KIF21A: variants seen among roughly 807,000 people sequenced by gnomAD.
The protein encoded by KIF21A is kinesin family member 21A.
KIF21A carries 114 observed loss-of-function variants against 202.9 expected under a neutral mutation model. The observed-to-expected ratio is 0.56, with a 90% CI of 0.48 to 0.66. The LOEUF is 0.66. Among genes scored for constraint, KIF21A ranks in the 30% least tolerant of loss-of-function variants. The probability of loss-of-function intolerance (pLI) is 0.00; values close to 1 mark genes in which losing one functional copy is unlikely to be tolerated. For synonymous variants in KIF21A, 667 were observed against 670.8 expected (o/e 0.99, Z 0.09); for missense variants, 1,677 against 1,994.9 (o/e 0.84, Z 3.04).
In KIF21A at chr12:39,323,116, T is replaced by C. The variant is rs527827002; in HGVS notation, c.3457-234A>G. On this transcript the variant is annotated intron_variant, in intron 26 of 37. Coordinates refer to ENST00000361418, the MANE Select transcript of KIF21A (RefSeq NM_001173464.2). Reference sequence around the variant, plus strand: ...ATTGTACTTATATGCCAGGCACTGTTCCAAACACATTATTATATTAGCACG... The same window carrying C: ...ATTGTACTTATATGCCAGGCACTGTCCCAAACACATTATTATATTAGCACG... Among the ~76,000 whole-genome samples, 10 of 149,316 alleles carry C rather than the reference T, an allele frequency of 6.7e-5. No homozygotes were observed. The South Asian group carries it at 1.1e-3, about 17-fold the overall frequency.
intron 1 of KIF21A, among the ~76,000 whole-genome samples, chr12:39,416,720 T>C (rs562834035): frequency 1.0e-5 from 1 of 99,370 alleles, no homozygotes; most frequent in African/African-American, 4.1e-5. Flanking sequence ...TGTGTGTATA[T>C]ATGTACATAT....
intron 35 of KIF21A, 90 bp from the exon 36 acceptor site, chr12:39,303,225 G>GTGT: frequency 1.9e-6 from 2 of 1,059,632 alleles, no homozygotes; most frequent in Non-Finnish European, 2.9e-6. Flanking sequence ...ACACATGTAT[G>GTGT]TTAATCAGAC....
chr12:39,309,381 A>G (rs1943786954), intron 33 of KIF21A, among the ~76,000 whole-genome samples: 1 of 152,128 alleles, frequency 6.6e-6, no homozygotes, highest in Non-Finnish European at 1.5e-5. Context: ...TTTCTGTTTA[A>G]TACCAGGCTC....
chr12:39,367,262 G>C (rs1949664798), intron 4 of KIF21A, 98 bp from the exon 5 acceptor site: 2 of 1,253,372 alleles, frequency 1.6e-6, no homozygotes, highest in African/African-American at 3.0e-5. Flanking sequence ...CCATGTTAAG[G>C]GATATAAAAG....
chr12:39,422,926 T>C (rs954719365), intron 1 of KIF21A, among the ~76,000 whole-genome samples: 21 of 152,212 alleles, frequency 1.4e-4, no homozygotes, highest in African/African-American at 4.8e-4. Flanking sequence ...GAATCAAATC[T>C]AGCACTGCCA....
At chr12:39,295,690 A>G (rs1012070268) in intron 37 of KIF21A, among the ~76,000 whole-genome samples, 1 of 108,962 alleles carries the variant, frequency 9.2e-6, no homozygotes, top group African/African-American at 3.3e-5. Context: ...TGCTTGGGAT[A>G]TGTTTTTTTT....
intron 27 of KIF21A, chr12:39,321,502 T>C (rs1945251808): frequency 6.6e-6 from 1 of 152,160 alleles, no homozygotes. Flanking sequence ...TCTCATCTTA[T>C]CACAAAAGCA....
chr12:39,322,360 A>G (rs1211319223), intron 27 of KIF21A: 1 of 233,196 alleles, frequency 4.3e-6, no homozygotes, highest in Non-Finnish European at 8.3e-6. Context: ...TATAGGTATA[A>G]CTTTAATTTA....
chr12:39,373,453 C>T (rs1950086097), intron 1 of KIF21A, among the ~76,000 whole-genome samples: 1 of 152,172 alleles, frequency 6.6e-6, no homozygotes, highest in Non-Finnish European at 1.5e-5. Flanking sequence ...AGGCTGTTCT[C>T]TCTCCTGAAA....
intron 1 of KIF21A, among the ~76,000 whole-genome samples, chr12:39,385,184 C>T (rs1306143525): frequency 2.6e-5 from 4 of 152,040 alleles, no homozygotes; most frequent in African/African-American, 9.7e-5. Context: ...AGTTCTTTCT[C>T]AGGAACTATG....
intron 7 of KIF21A, among the ~76,000 whole-genome samples, chr12:39,359,854 T>G (rs1168195687): frequency 2.0e-5 from 3 of 152,248 alleles, no homozygotes; most frequent in African/African-American, 7.2e-5. Context: ...GTAAGCACTT[T>G]AGAAACTTCC....
chr12:39,338,650 G>C (rs905534733), intron 16 of KIF21A, among the ~76,000 whole-genome samples: 2 of 152,146 alleles, frequency 1.3e-5, no homozygotes, highest in Non-Finnish European at 2.9e-5. Flanking sequence ...TTTGGTTCCA[G>C]AGCACCGCAA....
Position 39,367,083 on chromosome 12 carries a change from C to A in KIF21A, c.682G>T (p.Ala228Ser). 6.2e-7 allele frequency: 1 copy of A among 1,613,586 alleles called. No individual in the cohort carries two copies. Among genetic ancestry groups the A allele is most frequent in the Non-Finnish European group, 8.5e-7 (1 of 1,179,550 alleles). Residue 228 changes from alanine to serine, a missense_variant, in exon 5 of 38, where the codon GCC becomes TCC. Ala to Ser is a moderately conservative substitution (Grantham distance 99). Transcript: ENST00000361418. Reference protein sequence around the residue: ...QMNVQSSRSHAIFTIHVCQTR... With the variant: ...QMNVQSSRSHSIFTIHVCQTR... Reference sequence around the variant, plus strand: ...TGACACACATGAATGGTAAAAATGGCATGTGAACGAGAGCTCTGAACATTC... The same window carrying A: ...TGACACACATGAATGGTAAAAATGGAATGTGAACGAGAGCTCTGAACATTC...
intron 1 of KIF21A, among the ~76,000 whole-genome samples, chr12:39,409,838 T>C (rs1275423775): frequency 6.6e-6 from 1 of 150,932 alleles, no homozygotes; most frequent in African/African-American, 2.4e-5. Context: ...AAGCTGGCTT[T>C]TTTTTTTTTT....
At chr12:39,395,137 A>C (rs907782252) in intron 1 of KIF21A, among the ~76,000 whole-genome samples, 1 of 152,178 alleles carries the variant, frequency 6.6e-6, no homozygotes, top group Non-Finnish European at 1.5e-5. Flanking sequence ...TTCCCCGTCC[A>C]CTACCATACA....
At chr12:39,372,241 T>C (rs931323874) in intron 1 of KIF21A, among the ~76,000 whole-genome samples, 2 of 152,230 alleles carry the variant, frequency 1.3e-5, no homozygotes, top group African/African-American at 2.4e-5. Flanking sequence ...CAGAATTTTG[T>C]ATGCCTCAAA....
intron 8 of KIF21A, 80 bp from the exon 9 acceptor site, chr12:39,357,517 A>G: frequency 8.3e-7 from 1 of 1,211,258 alleles, no homozygotes. Flanking sequence ...CTCTATAACT[A>G]TACAATTCTC....
At chr12:39,440,059 A>T (rs1234630536) in intron 1 of KIF21A, among the ~76,000 whole-genome samples, 3 of 152,202 alleles carry the variant, frequency 2.0e-5, no homozygotes, top group Non-Finnish European at 4.4e-5. Flanking sequence ...CTGCTGAGGA[A>T]CCCTTCTCAA....
chr12:39,360,971 G>A lies in KIF21A; in HGVS notation c.1019+2127C>T, dbSNP rs138861455. Among the ~76,000 whole-genome samples the A allele has an allele frequency of 1.2e-3, 176 of 152,304 alleles. 2 individuals are homozygous for A. In the East Asian group the frequency reaches 0.031, roughly 27 times the overall value. On this transcript the variant is annotated intron_variant, in intron 7 of 37. Coordinates refer to ENST00000361418, the MANE Select transcript of KIF21A (RefSeq NM_001173464.2). ...AGTACAGTGCTTTTGCACTAGGAATGCAATCCTAAAATTTTAAGCAAAAAT... is the reference window on the plus strand; with the variant it reads ...AGTACAGTGCTTTTGCACTAGGAATACAATCCTAAAATTTTAAGCAAAAAT...
Sources: gnomAD v4.1 joint callset for allele counts (sites outside exome capture counted in the v4.1 genomes callset) on GRCh38, gnomAD v4.1.1 for gene constraint, MANE v1.5 for transcripts, NCBI Gene and HGNC (gene_info 2026-07-23, HGNC 2026-07-21) for gene names.